Variants in CA10 observed in about 807,000 individuals in gnomAD.
The protein encoded by CA10 is carbonic anhydrase-related protein 10.
In CA10, 14 loss-of-function variants were observed where a neutral mutation model predicts 44.2. The ratio of observed to expected loss-of-function variants is 0.32; its 90% CI spans 0.21 to 0.50. The LOEUF (loss-of-function observed/expected upper bound fraction) is 0.50, where lower values mean the gene tolerates loss of function less well. Among genes scored for constraint, CA10 ranks in the 20% least tolerant of loss-of-function variants. The probability of loss-of-function intolerance (pLI) is 0.99; values close to 1 mark genes in which losing one functional copy is unlikely to be tolerated. For synonymous variants in CA10, 159 were observed against 141.6 expected (o/e 1.12, Z -0.87); for missense variants, 350 against 409.7 (o/e 0.85, Z 1.26).
At chr17:51,855,432 C>T (rs1978998250) in intron 3 of CA10, among the ~76,000 whole-genome samples, 1 of 152,308 alleles carries the variant, frequency 6.6e-6, no homozygotes, top group South Asian at 2.1e-4. Flanking sequence ...TAAGACCCAT[C>T]TCAACTTCAA....
intron 1 of CA10, among the ~76,000 whole-genome samples, chr17:52,131,208 C>T (rs62070287): frequency 0.015 from 2,212 of 151,942 alleles, 11 homozygotes; most frequent in Non-Finnish European, 0.02. Context: ...TTTGAGTGTT[C>T]TGTCTCTACT....
At chr17:51,811,479 C>T (rs755442768) in intron 3 of CA10, among the ~76,000 whole-genome samples, 22 of 152,134 alleles carry the variant, frequency 1.4e-4, no homozygotes, top group Non-Finnish European at 3.2e-4. Context: ...TGTTCCCCAC[C>T]CTGTGTCCAA....
intron 4 of CA10, among the ~76,000 whole-genome samples, chr17:51,660,239 A>G (rs1913950495): frequency 6.6e-6 from 1 of 152,204 alleles, no homozygotes; most frequent in African/African-American, 2.4e-5. Flanking sequence ...TGGCAGGCCA[A>G]GGTAGGGGGT....
intron 1 of CA10, among the ~76,000 whole-genome samples, chr17:52,090,516 T>C (rs1257108044): frequency 6.6e-6 from 1 of 152,184 alleles, no homozygotes; most frequent in Non-Finnish European, 1.5e-5. Flanking sequence ...AGAAGTGGAC[T>C]ATTTAACAAT....
chr17:51,801,232 C>T (rs1244522055), intron 3 of CA10, among the ~76,000 whole-genome samples: 1 of 152,200 alleles, frequency 6.6e-6, no homozygotes, highest in African/African-American at 2.4e-5. Flanking sequence ...CACACATGTT[C>T]ACTTTCGTTT....
At chr17:51,666,285 G>A (rs1391069098) in intron 4 of CA10, among the ~76,000 whole-genome samples, 1 of 152,180 alleles carries the variant, frequency 6.6e-6, no homozygotes, top group East Asian at 1.9e-4. Flanking sequence ...AGAAGGGAAG[G>A]GGAATGAGGT....
chr17:51,782,667 T>A (rs1455134570), intron 3 of CA10, among the ~76,000 whole-genome samples: 2 of 152,194 alleles, frequency 1.3e-5, no homozygotes, highest in East Asian at 3.8e-4. Flanking sequence ...AGGGATGCTG[T>A]CTCTCCTCCA....
intron 4 of CA10, among the ~76,000 whole-genome samples, chr17:51,665,175 C>A (rs919226558): frequency 1.3e-5 from 2 of 152,158 alleles, no homozygotes; most frequent in Non-Finnish European, 2.9e-5. Flanking sequence ...ATAAACTGTT[C>A]ACAAAACTAG....
At chr17:51,795,658 C>T (rs1416698351) in intron 3 of CA10, among the ~76,000 whole-genome samples, 3 of 152,140 alleles carry the variant, frequency 2.0e-5, no homozygotes, top group African/African-American at 7.2e-5. Context: ...TCACTTCCTC[C>T]AGGAGGTAAA....
intron 2 of CA10, among the ~76,000 whole-genome samples, chr17:51,940,432 C>T (rs1462460286): frequency 6.6e-6 from 1 of 152,060 alleles, no homozygotes. Context: ...AACCCTTAAG[C>T]TGTTGGACCA....
intron 3 of CA10, among the ~76,000 whole-genome samples, chr17:51,898,747 G>T (rs947620469): frequency 6.6e-6 from 1 of 151,980 alleles, no homozygotes; most frequent in African/African-American, 2.4e-5. Flanking sequence ...GGTCTGTTCA[G>T]GTATTCAGTT....
intron 1 of CA10, among the ~76,000 whole-genome samples, chr17:52,099,589 GA>G (rs954963559): frequency 6.6e-6 from 1 of 152,174 alleles, no homozygotes; most frequent in African/African-American, 2.4e-5. Context: ...GTAAGTTTCA[GA>G]TGGCTGCCAG....
intron 3 of CA10, among the ~76,000 whole-genome samples, chr17:51,878,908 G>GTGTGTGTGTGTGTA (rs1567870922): frequency 8.3e-6 from 1 of 120,838 alleles, no homozygotes; most frequent in African/African-American, 3.3e-5. Flanking sequence ...GTGTGTGTGT[G>GTGTGTGTGTGTGTA]TGTGTATGTG....
At chr17:51,888,114 A>G (rs946477210) in intron 3 of CA10, among the ~76,000 whole-genome samples, 1 of 152,108 alleles carries the variant, frequency 6.6e-6, no homozygotes, top group African/African-American at 2.4e-5. Flanking sequence ...TCCCTGAAAT[A>G]TGACATCTTC....
chr17:51,826,156 G>A (rs550234482), intron 3 of CA10, among the ~76,000 whole-genome samples: 20 of 152,270 alleles, frequency 1.3e-4, no homozygotes, highest in African/African-American at 4.6e-4. Context: ...TTTATACTGC[G>A]GATGGAAATT....
At chr17:52,073,345 A>G (rs886340729) in intron 1 of CA10, among the ~76,000 whole-genome samples, 29 of 152,216 alleles carry the variant, frequency 1.9e-4, no homozygotes, top group Admixed American at 9.8e-4. Context: ...GGCTTTGTAT[A>G]GAGAGAAGAT....
chr17:51,664,450 A>G (rs2143324205), intron 4 of CA10, among the ~76,000 whole-genome samples: 1 of 152,260 alleles, frequency 6.6e-6, no homozygotes, highest in South Asian at 2.1e-4. Context: ...GAAGCAGAAA[A>G]AAAGGGACAT....
At chr17:52,059,110 A>C (rs927934284) in intron 2 of CA10, among the ~76,000 whole-genome samples, 1 of 152,148 alleles carries the variant, frequency 6.6e-6, no homozygotes, top group Non-Finnish European at 1.5e-5. Flanking sequence ...GCTTCCTCTT[A>C]GAGATGAAAA....
chr17:51,708,777 T>C (rs1228638582), intron 4 of CA10, among the ~76,000 whole-genome samples: 2 of 152,230 alleles, frequency 1.3e-5, no homozygotes, highest in Non-Finnish European at 2.9e-5. Context: ...CTTCCGATCC[T>C]CATCCTTCTC....
Sources: gnomAD v4.1 joint callset for allele counts (sites outside exome capture counted in the v4.1 genomes callset) on GRCh38, gnomAD v4.1.1 for gene constraint, MANE v1.5 for transcripts, NCBI Gene and HGNC (gene_info 2026-07-23, HGNC 2026-07-21) for gene names.